NUMB: variants seen among roughly 807,000 people sequenced by gnomAD.
NUMB encodes protein numb homolog.
A neutral mutation model predicts 59.7 loss-of-function variants in NUMB; 29 were observed. That is an observed-to-expected ratio of 0.49 (90% CI 0.36 to 0.66). The LOEUF (loss-of-function observed/expected upper bound fraction) is 0.66. Among genes scored for constraint, NUMB ranks in the 30% least tolerant of loss-of-function variants. The pLI is 0.00. For missense variants in NUMB, 723 were observed against 822.0 expected (o/e 0.88, Z 1.47); for synonymous variants, 288 against 288.2 (o/e 1.00, Z 0.01).
At chr14:73,442,168 A>G (rs1383672734) in intron 1 of NUMB, among the ~76,000 whole-genome samples, 1 of 150,580 alleles carries the variant, frequency 6.6e-6, no homozygotes, top group Non-Finnish European at 1.5e-5. Flanking sequence ...TGGGAAACAT[A>G]GTGAGAGACC....
At chr14:73,280,839 G>A (rs1394915338) in intron 11 of NUMB, among the ~76,000 whole-genome samples, 13 of 151,740 alleles carry the variant, frequency 8.6e-5, no homozygotes, top group Admixed American at 3.3e-4. Flanking sequence ...GATTATAGGT[G>A]CCTGCCACCA....
At chr14:73,389,290 AAAAC>A (rs1183147309) in intron 2 of NUMB, among the ~76,000 whole-genome samples, 1 of 88,522 alleles carries the variant, frequency 1.1e-5, no homozygotes, top group African/African-American at 7.1e-5. Flanking sequence ...AAAAAAAAAA[AAAAC>A]AAAAACAAAA....
chr14:73,385,496 C>CTTTTTTTTTTTT (rs35526624), intron 2 of NUMB, among the ~76,000 whole-genome samples: 2 of 65,348 alleles, frequency 3.1e-5, no homozygotes, highest in African/African-American at 5.9e-5. Context: ...GGCTAGTGGC[C>CTTTTTTTTTTTT]TTTTTTTTTT....
At chr14:73,411,062 C>T (rs180683689) in intron 1 of NUMB, among the ~76,000 whole-genome samples, 75 of 152,318 alleles carry the variant, frequency 4.9e-4, no homozygotes, top group Non-Finnish European at 7.8e-4. Context: ...GACTGGGTCT[C>T]GCTCTGCCTG....
At chr14:73,350,078 T>TACAC (rs71112732) in intron 4 of NUMB, among the ~76,000 whole-genome samples, 6,284 of 137,682 alleles carry the variant, frequency 0.046, 201 homozygotes, top group African/African-American at 0.086. Flanking sequence ...CATACATACA[T>TACAC]ACACACACAC....
chr14:73,286,693 T>TAA (rs1329077431), intron 9 of NUMB: 1 of 219,422 alleles, frequency 4.6e-6, no homozygotes, highest in Non-Finnish European at 9.3e-6. Flanking sequence ...GTATTACTGT[T>TAA]AAATCTCTCT....
At position 73,435,271 on chromosome 14, in the gene NUMB, CTTTT is replaced by C. The variant is rs11295491; in HGVS notation, c.-233+23218_-233+23221del. ...TCTTTGGAGAACCATTTGGCAATTA[CTTTT>C]TTTTTTTTTTTTTTTTGAGACAGAG... is the stretch of plus-strand genomic sequence containing the variant. On this transcript the variant is annotated intron_variant, in intron 1 of 12. Coordinates refer to ENST00000555238, the MANE Select transcript of NUMB (RefSeq NM_001005743.2). 3.5e-5 allele frequency among the ~76,000 whole-genome samples: 4 copies of C among 112,860 alleles called. No homozygotes were observed. In the East Asian group the frequency reaches 6.9e-4, roughly 19 times the overall value. The allele number at this position is 112,860 out of a possible 152,430, so 74.0% of individuals were successfully genotyped here. A position where few individuals can be genotyped will look rare whatever the true frequency, so the allele number is the denominator to read the frequency against.
chr14:73,383,239 T>A (rs1423920465), intron 2 of NUMB, among the ~76,000 whole-genome samples: 1 of 152,116 alleles, frequency 6.6e-6, no homozygotes, highest in Non-Finnish European at 1.5e-5. Context: ...GTGATTAATA[T>A]GTTCAGGAAA....
chr14:73,293,015 G>A (rs1889497414), intron 7 of NUMB, 141 bp from the exon 8 acceptor site: 1 of 834,482 alleles, frequency 1.2e-6, no homozygotes, highest in Admixed American at 2.8e-5. Flanking sequence ...GTGTCCAGCA[G>A]TTTAAATACT....
intron 6 of NUMB, among the ~76,000 whole-genome samples, chr14:73,312,231 TA>T (rs1281707125): frequency 6.9e-6 from 1 of 145,194 alleles, no homozygotes; most frequent in Non-Finnish European, 1.5e-5. Context: ...CTGTCTCTAC[TA>T]AAAATACAAA....
intron 1 of NUMB, among the ~76,000 whole-genome samples, chr14:73,447,418 G>A (rs546412089): frequency 8.2e-4 from 125 of 152,192 alleles, no homozygotes; most frequent in African/African-American, 2.7e-3. Context: ...AACCCAAGAG[G>A]TGGAGGTTGC....
intron 6 of NUMB, chr14:73,299,203 G>C (rs528472534): frequency 2.0e-5 from 3 of 152,204 alleles, no homozygotes; most frequent in Non-Finnish European, 4.4e-5. Context: ...TTGGCAATGG[G>C]AAAGGCGTAA....
rs565997612 is a variant in NUMB at position 73,414,429 on chromosome 14, T to C, written c.-232-4361A>G. ...TTTGTTTTGAGACAGGGTCTCACTCTGTCGCTCTGGCTGGAATGCAGTGGT... is the reference window on the plus strand; with the variant it reads ...TTTGTTTTGAGACAGGGTCTCACTCCGTCGCTCTGGCTGGAATGCAGTGGT... On this transcript the variant is annotated intron_variant, in intron 1 of 12. Transcript: ENST00000555238. Among the ~76,000 whole-genome samples, 19 of 152,324 alleles carry C rather than the reference T, an allele frequency of 1.2e-4. 1 individual carries two copies. Among genetic ancestry groups the C allele is most frequent in the Admixed American group, 7.2e-4 (11 of 15,298 alleles).
chr14:73,329,022 C>A (rs896515672), intron 4 of NUMB, among the ~76,000 whole-genome samples: 1 of 152,134 alleles, frequency 6.6e-6, no homozygotes, highest in Admixed American at 6.5e-5. Flanking sequence ...GCATGTGCCA[C>A]CACACCCGGC....
At chr14:73,421,160 A>C (rs893529205) in intron 1 of NUMB, among the ~76,000 whole-genome samples, 4 of 152,004 alleles carry the variant, frequency 2.6e-5, no homozygotes, top group Non-Finnish European at 5.9e-5. Flanking sequence ...AAAGAAAAGG[A>C]AAGTTTTTTT....
intron 4 of NUMB, among the ~76,000 whole-genome samples, chr14:73,352,455 CACAT>C (rs1196867956): frequency 4.9e-5 from 1 of 20,210 alleles, no homozygotes; most frequent in Admixed American, 6.4e-4. Flanking sequence ...CACACACACA[CACAT>C]ACACACACAC....
chr14:73,355,771 A>T lies in NUMB; in HGVS notation c.-15-5T>A. The T allele has an allele frequency of 6.3e-7, 1 of 1,590,894 alleles. No homozygotes were observed. The highest frequency in any genetic ancestry group is 1.9e-4 in the Middle Eastern group (1 of 5,236). ...GTTCATTTTAATTTTTACAGCCTGA[A>T]GACAGAGGAAAAAAAATATTTAAAA... is the stretch of plus-strand genomic sequence containing the variant. On this transcript the variant is annotated splice_polypyrimidine_tract_variant and splice_region_variant and intron_variant, in intron 3 of 12. Coordinates refer to ENST00000555238, the MANE Select transcript of NUMB (RefSeq NM_001005743.2).
chr14:73,406,780 A>T (rs1896691400), intron 2 of NUMB, among the ~76,000 whole-genome samples: 1 of 152,022 alleles, frequency 6.6e-6, no homozygotes, highest in Non-Finnish European at 1.5e-5. Flanking sequence ...TTTAATGATC[A>T]CCATTCTAAC....
rs1395053622 is a variant in NUMB, at chr14:73,339,708, T to C, written c.126+15918A>G. 7.9e-5 allele frequency among the ~76,000 whole-genome samples: 12 copies of C among 152,260 alleles called. No individual in the cohort carries two copies. In the East Asian group the frequency reaches 2.3e-3, roughly 29 times the overall value. On this transcript the variant is annotated intron_variant, in intron 4 of 12. Transcript: ENST00000555238. Reference sequence around the variant, plus strand: ...TGCCCAGCCATTAACCATTCTATTTTAAATTGTAACCCCTGCCACACACAC... The same window carrying C: ...TGCCCAGCCATTAACCATTCTATTTCAAATTGTAACCCCTGCCACACACAC...
Sources: gnomAD v4.1 joint callset for allele counts (sites outside exome capture counted in the v4.1 genomes callset) on GRCh38, gnomAD v4.1.1 for gene constraint, MANE v1.5 for transcripts, NCBI Gene and HGNC (gene_info 2026-07-23, HGNC 2026-07-21) for gene names.